The following MMP26 variants were observed in gnomAD, a reference collection of about 807,000 sequenced individuals.
The protein encoded by MMP26 is matrix metallopeptidase 26.
In MMP26, 33 loss-of-function variants were observed where a neutral mutation model predicts 31.0. The ratio of observed to expected loss-of-function variants is 1.06; its 90% CI spans 0.81 to 1.42. The LOEUF (loss-of-function observed/expected upper bound fraction) is 1.42, where lower values mean the gene tolerates loss of function less well. Ranked by LOEUF, MMP26 falls within the 40% of genes most tolerant of loss-of-function variation. The pLI, the probability that MMP26 is intolerant of heterozygous loss-of-function variation, is 0.00. For missense variants in MMP26, 347 were observed against 316.1 expected, an observed-to-expected ratio of 1.10 and a Z score of -0.74; for synonymous variants, 122 against 114.9, an observed-to-expected ratio of 1.06 and a Z score of -0.40.
chr11:4,807,693 A>G (rs1319242295), intron 2 of MMP26, among the ~76,000 whole-genome samples: 2 of 152,184 alleles, frequency 1.3e-5, no homozygotes, highest in African/African-American at 2.4e-5. Flanking sequence ...GGTTCAGCAA[A>G]CCAACGTGGC....
rs377036892 is a variant in MMP26, at chr11:4,821,614, C to T, written c.-145+54273C>T. 13 of 1,613,800 alleles carry T rather than the reference C, an allele frequency of 8.1e-6. No homozygotes were observed. In the Admixed American group the frequency reaches 1.8e-4, roughly 23 times the overall value. ...CCTCCATAAGCCTATGTACTATTTCCTCTCTATGCTTTCAGCCACAGACCT... is the reference window on the plus strand; with the variant it reads ...CCTCCATAAGCCTATGTACTATTTCTTCTCTATGCTTTCAGCCACAGACCT... On this transcript the variant is annotated intron_variant, in intron 2 of 7. Transcript: ENST00000380390.
chr11:4,902,950 ATT>A (rs1375734249), intron 2 of MMP26, among the ~76,000 whole-genome samples: 5 of 151,882 alleles, frequency 3.3e-5, no homozygotes, highest in Admixed American at 2.0e-4. Context: ...AATTAAAATT[ATT>A]TTATTATTAA....
At chr11:4,814,539 C>T (rs926116070) in intron 2 of MMP26, among the ~76,000 whole-genome samples, 1 of 152,104 alleles carries the variant, frequency 6.6e-6, no homozygotes, top group African/African-American at 2.4e-5. Context: ...AGATGACCTA[C>T]AAAAAGAGCC....
intron 2 of MMP26, among the ~76,000 whole-genome samples, chr11:4,905,759 A>G (rs1019066663): frequency 6.6e-6 from 1 of 152,152 alleles, no homozygotes; most frequent in Non-Finnish European, 1.5e-5. Flanking sequence ...TTTCTCTGAC[A>G]GTTTTACCAA....
chr11:4,835,152 T>C (rs1479507275), intron 2 of MMP26, among the ~76,000 whole-genome samples: 1 of 151,386 alleles, frequency 6.6e-6, no homozygotes, highest in Non-Finnish European at 1.5e-5. Context: ...ATCCCTGTTA[T>C]GAATTCTCAA....
intron 2 of MMP26, among the ~76,000 whole-genome samples, chr11:4,922,048 A>C (rs927616009): frequency 1.3e-5 from 2 of 152,174 alleles, no homozygotes; most frequent in African/African-American, 4.8e-5. Context: ...TTCGAACACT[A>C]TGTCCAGGTG....
rs3065178 is a variant in MMP26, at chr11:4,907,095, T to TAAAAAAAAAAAAAAAAAAAA, written c.-144-80972_-144-80953dup. ...TGGGCAACAAGAGCAAAACTCCCTCTAAAAAAAAAAAAAAAAAAAATCCTA... is the reference window on the plus strand; with the variant it reads ...TGGGCAACAAGAGCAAAACTCCCTCTAAAAAAAAAAAAAAAAAAAAAAAAAAAAAAAAAAAAAAAATCCTA... On this transcript the variant is annotated intron_variant, in intron 2 of 7. Coordinates refer to ENST00000380390, the MANE Select transcript of MMP26 (RefSeq NM_021801.5). Among the ~76,000 whole-genome samples, 185 of 55,068 alleles carry TAAAAAAAAAAAAAAAAAAAA rather than the reference T, an allele frequency of 3.4e-3. 7 individuals carry two copies. Among genetic ancestry groups the TAAAAAAAAAAAAAAAAAAAA allele is most frequent in the African/African-American group, 9.9e-3 (151 of 15,240 alleles). The allele number at this position is 55,068 out of a possible 152,430, so 36.1% of individuals were successfully genotyped here.
intron 2 of MMP26, among the ~76,000 whole-genome samples, chr11:4,833,396 C>T (rs765074104): frequency 8.5e-5 from 13 of 152,064 alleles, no homozygotes; most frequent in South Asian, 2.1e-4. Flanking sequence ...GAAAAGTAGC[C>T]CTTAACTGTG....
intron 2 of MMP26, among the ~76,000 whole-genome samples, chr11:4,884,351 G>A (rs1850520554): frequency 6.6e-6 from 1 of 152,004 alleles, no homozygotes; most frequent in Non-Finnish European, 1.5e-5. Context: ...GGAAGTCTTT[G>A]TATTCTATTA....
At chr11:4,979,776 A>G (rs1667750433) in intron 2 of MMP26, among the ~76,000 whole-genome samples, 1 of 152,126 alleles carries the variant, frequency 6.6e-6, no homozygotes, top group Non-Finnish European at 1.5e-5. Context: ...ACCACTGGAC[A>G]GATTTCTTAG....
At chr11:4,743,450 TTAGCTTTGCTC>T (rs1377731908) in intron 1 of MMP26, among the ~76,000 whole-genome samples, 1 of 152,328 alleles carries the variant, frequency 6.6e-6, no homozygotes, top group South Asian at 2.1e-4. Context: ...GATACTTAGA[TTAGCTTTGCTC>T]ATTTTCATAG....
intron 2 of MMP26, among the ~76,000 whole-genome samples, chr11:4,976,772 T>C (rs1049232426): frequency 2.0e-5 from 3 of 152,066 alleles, no homozygotes; most frequent in Admixed American, 6.6e-5. Flanking sequence ...CTATACTGCA[T>C]GTAAATTAGC....
chr11:4,924,784 A>G (rs1851245508), intron 2 of MMP26, among the ~76,000 whole-genome samples: 1 of 152,204 alleles, frequency 6.6e-6, no homozygotes, highest in South Asian at 2.1e-4. Context: ...TGAAATCACC[A>G]GGAAAAGCCT....
At chr11:4,744,460 G>A (rs943974722) in intron 1 of MMP26, among the ~76,000 whole-genome samples, 5 of 152,082 alleles carry the variant, frequency 3.3e-5, no homozygotes, top group Middle Eastern at 3.4e-3. Flanking sequence ...AACATAAATC[G>A]TCTAACGTTA....
chr11:4,848,792 G>C, intron 2 of MMP26: 1 of 1,614,170 alleles, frequency 6.2e-7, no homozygotes, highest in Non-Finnish European at 8.5e-7. Context: ...GCGCTGGGTA[G>C]TGGAGAGGTC....
At chr11:4,987,563 C>A (rs544376209) in intron 2 of MMP26, among the ~76,000 whole-genome samples, 8 of 152,048 alleles carry the variant, frequency 5.3e-5, no homozygotes, top group African/African-American at 1.9e-4. Flanking sequence ...GGACTACAGG[C>A]GCCCACCACC....
At position 4,986,918 on chromosome 11, in the gene MMP26, TCTCTCTCTCTCTCC is replaced by T. The variant is rs1205915274; in HGVS notation, c.-144-1136_-144-1123del. ...TCCTTCCTTCCTTTCTCTCTCTCTCTCTCTCTCTCTCTCCCTCTCTCTCTCTCTCTCTCTCTCTC... is the reference window on the plus strand; with the variant it reads ...TCCTTCCTTCCTTTCTCTCTCTCTCTCTCTCTCTCTCTCTCTCTCTCTCTC... On this transcript the variant is annotated intron_variant, in intron 2 of 7. Coordinates refer to ENST00000380390, the MANE Select transcript of MMP26 (RefSeq NM_021801.5). Among the ~76,000 whole-genome samples, 50 of 107,740 alleles carry T rather than the reference TCTCTCTCTCTCTCC, an allele frequency of 4.6e-4. 2 individuals carry two copies. The highest frequency in any genetic ancestry group is 8.9e-4 in the African/African-American group (25 of 28,226). 70.7% of individuals were successfully genotyped at this position (107,740 alleles called of 152,430 possible). A position where few individuals can be genotyped will look rare whatever the true frequency, so the allele number is the denominator to read the frequency against.
At chr11:4,931,225 A>G (rs1851342692) in intron 2 of MMP26, among the ~76,000 whole-genome samples, 1 of 152,112 alleles carries the variant, frequency 6.6e-6, no homozygotes, top group African/African-American at 2.4e-5. Context: ...TGGAAGGGTT[A>G]TCCATGGGGA....
chr11:4,923,521 A>G, intron 2 of MMP26: 1 of 1,614,184 alleles, frequency 6.2e-7, no homozygotes, highest in Non-Finnish European at 8.5e-7. Flanking sequence ...AGAGGTGTAC[A>G]ACGCGGGGCA....
Sources: allele counts gnomAD v4.1 joint callset (sites outside exome capture counted in the v4.1 genomes callset), GRCh38; gene constraint gnomAD v4.1.1; transcripts MANE v1.5; gene names NCBI Gene and HGNC (gene_info 2026-07-23, HGNC 2026-07-21).